The following SENP2 variants were observed in gnomAD, a reference collection of about 807,000 sequenced individuals.
SENP2 encodes sentrin-specific protease 2.
SENP2 carries 16 observed loss-of-function variants against 86.3 expected under a neutral mutation model. The observed-to-expected ratio is 0.19, with a 90% CI of 0.13 to 0.28. The LOEUF is 0.28. Among genes scored for constraint, SENP2 ranks in the 10% least tolerant of loss-of-function variants. SENP2 has a pLI of 1.00. For missense variants in SENP2, 552 were observed against 703.0 expected, an observed-to-expected ratio of 0.79 and a Z score of 2.43; for synonymous variants, 222 against 238.7, an observed-to-expected ratio of 0.93 and a Z score of 0.64.
At position 185,630,302 on chromosome 3, in the gene SENP2, TTAC is replaced by T. The variant is rs1164813446; in HGVS notation, c.*460_*462del. ...GAACTATTTATTTCTGAAAGGAATG[TTAC>T]TCAAGCTGCCACTCCCTGCTGAAGA... On this transcript the variant is annotated 3_prime_UTR_variant, in exon 17 of 17. Transcript: ENST00000296257. 1 of 154,618 alleles carries T rather than the reference TTAC, an allele frequency of 6.5e-6. No homozygotes were observed. Among genetic ancestry groups the T allele is most frequent in the East Asian group, 1.9e-4 (1 of 5,372 alleles). The allele number at this position is 154,618 out of a possible 1,614,324, so 9.6% of individuals were successfully genotyped here.
chr3:185,606,727 T>C, intron 6 of SENP2: 1 of 534,316 alleles, frequency 1.9e-6, no homozygotes, highest in Non-Finnish European at 3.4e-6. Flanking sequence ...CTAAAGTTCT[T>C]ATGAGATTGT....
At chr3:185,589,114 G>C (rs576422593) in intron 1 of SENP2, among the ~76,000 whole-genome samples, 48 of 151,844 alleles carry the variant, frequency 3.2e-4, no homozygotes, top group African/African-American at 9.9e-4. Flanking sequence ...TGATCATAAG[G>C]GTTCAGAGAG....
At chr3:185,598,666 T>C (rs1409088844) in intron 3 of SENP2, 121 bp downstream of exon 3, 2 of 1,032,938 alleles carry the variant, frequency 1.9e-6, no homozygotes, top group Non-Finnish European at 2.8e-6. Context: ...TATCTGTATC[T>C]TTATTAGCTG....
intron 5 of SENP2, among the ~76,000 whole-genome samples, chr3:185,601,809 T>G (rs1188794138): frequency 6.6e-6 from 1 of 152,004 alleles, no homozygotes; most frequent in African/African-American, 2.4e-5. Flanking sequence ...AGCTATTTTT[T>G]GCATTTTTAG....
At chr3:185,599,334 T>C (rs993871466) in intron 4 of SENP2, among the ~76,000 whole-genome samples, 1 of 152,194 alleles carries the variant, frequency 6.6e-6, no homozygotes, top group Non-Finnish European at 1.5e-5. Flanking sequence ...GGTGCTGTGC[T>C]TAAGTTATCA....
chr3:185,611,016 C>T (rs1560196209), intron 7 of SENP2, among the ~76,000 whole-genome samples: 1 of 152,150 alleles, frequency 6.6e-6, no homozygotes, highest in African/African-American at 2.4e-5. Flanking sequence ...TGGCTCACAC[C>T]TGTAATCCCA....
At chr3:185,596,256 G>T (rs1167460230) in intron 2 of SENP2, among the ~76,000 whole-genome samples, 1 of 152,072 alleles carries the variant, frequency 6.6e-6, no homozygotes, top group Non-Finnish European at 1.5e-5. Context: ...GAGCCACCGT[G>T]CCCAGCCTAA....
Position 185,606,377 on chromosome 3 carries a change from G to A in SENP2, c.497G>A (p.Arg166His), listed in dbSNP as rs775072409. The change falls in exon 6 of 17, where the codon CGC (arginine) becomes CAC (histidine). Residue 166 changes from arginine (R) to histidine (H), a missense_variant. Physicochemically the swap from Arg to His is conservative, Grantham distance 29 (BLOSUM62 0). Coordinates refer to ENST00000296257, the MANE Select transcript of SENP2 (RefSeq NM_021627.3). Reference sequence around the variant, plus strand: ...TGTAATAGAAGACCAGGTGGCCGTCGCCATAGCAAAGGTAATCCAGAGAGT... The same window carrying A: ...TGTAATAGAAGACCAGGTGGCCGTCACCATAGCAAAGGTAATCCAGAGAGT... ...EGCNRRPGGR[R>H]HSKGNPESSL... 4.0e-5 allele frequency: 64 copies of A among 1,612,278 alleles called. No homozygotes were observed. The highest frequency in any genetic ancestry group is 5.0e-5 in the Non-Finnish European group (59 of 1,179,546).
chr3:185,607,607 G>C (rs1300695346), intron 6 of SENP2, among the ~76,000 whole-genome samples: 2 of 152,154 alleles, frequency 1.3e-5, no homozygotes, highest in Non-Finnish European at 2.9e-5. Context: ...TGGGATTACA[G>C]GCATGAGCCA....
intron 16 of SENP2, among the ~76,000 whole-genome samples, chr3:185,629,557 C>T (rs912047048): frequency 1.4e-5 from 2 of 146,898 alleles, no homozygotes; most frequent in Admixed American, 6.9e-5. Context: ...GCCTGGGTGA[C>T]ACAGCAAGAC....
At chr3:185,623,826 C>CAAAAAAAAAAAAAAAAAAAAA (rs63707460) in intron 14 of SENP2, among the ~76,000 whole-genome samples, 172 bp from the exon 15 acceptor site, 3 of 47,786 alleles carry the variant, frequency 6.3e-5, no homozygotes, top group East Asian at 1.8e-3. Flanking sequence ...GACTCTGTCT[C>CAAAAAAAAAAAAAAAAAAAAA]AAAAAAAAAA....
intron 8 of SENP2, chr3:185,612,154 CAAAA>C (rs1000368377): frequency 8.5e-5 from 7 of 82,272 alleles, no homozygotes; most frequent in Admixed American, 2.6e-4. Flanking sequence ...GACTCTGTCT[CAAAA>C]AAAAAAAAAA....
chr3:185,626,602 A>T (rs1313803148), intron 16 of SENP2, among the ~76,000 whole-genome samples: 2 of 146,734 alleles, frequency 1.4e-5, no homozygotes, highest in Non-Finnish European at 3.0e-5. Flanking sequence ...GTGAAACCCC[A>T]TCTCTACTAA....
intron 15 of SENP2, among the ~76,000 whole-genome samples, chr3:185,625,835 T>A (rs1712120881): frequency 6.6e-6 from 1 of 152,216 alleles, no homozygotes; most frequent in South Asian, 2.1e-4. Flanking sequence ...CTGAAATAAT[T>A]CTGACTAGCA....
intron 13 of SENP2, 83 bp from the exon 14 acceptor site, chr3:185,621,743 A>G (rs1218145714): frequency 9.8e-6 from 8 of 813,710 alleles, no homozygotes; most frequent in South Asian, 1.6e-5. Context: ...GTATTTTTTA[A>G]AAGATGCTTT....
At chr3:185,622,264 T>C (rs1400495129) in intron 14 of SENP2, among the ~76,000 whole-genome samples, 1 of 152,188 alleles carries the variant, frequency 6.6e-6, no homozygotes, top group Non-Finnish European at 1.5e-5. Flanking sequence ...TCCATGAGAG[T>C]TGGGTTTATC....
In SENP2 at chr3:185,620,413, G is replaced by A. The variant is rs1026686057; in HGVS notation, c.1446+911G>A. Among the ~76,000 whole-genome samples, 6 of 152,006 alleles carry A rather than the reference G, an allele frequency of 3.9e-5. No individual in the cohort carries two copies. In the South Asian group the frequency reaches 6.2e-4, roughly 16 times the overall value. On this transcript the variant is annotated intron_variant, in intron 13 of 16. Transcript: ENST00000296257. ...AACAACTTTTAGAAGGCTACAGGAC[G>A]AAGTCCTTGTACTTGAGGAGCTTTT...
intron 1 of SENP2, among the ~76,000 whole-genome samples, chr3:185,588,283 G>A (rs1278132238): frequency 1.3e-5 from 2 of 151,012 alleles, no homozygotes; most frequent in African/African-American, 2.4e-5. Flanking sequence ...CTGACCTCAG[G>A]ATCCGCCCGT....
At chr3:185,628,280 GCA>G (rs1712239352) in intron 16 of SENP2, among the ~76,000 whole-genome samples, 1 of 152,086 alleles carries the variant, frequency 6.6e-6, no homozygotes, top group Admixed American at 6.6e-5. Context: ...GGGACTACAG[GCA>G]TGTACCACCA....
Sources: gnomAD v4.1 joint callset for allele counts (sites outside exome capture counted in the v4.1 genomes callset) on GRCh38, gnomAD v4.1.1 for gene constraint, MANE v1.5 for transcripts, NCBI Gene and HGNC (gene_info 2026-07-23, HGNC 2026-07-21) for gene names.